The following PRKAG2 variants were observed in gnomAD, a reference collection of about 807,000 sequenced individuals.
The protein encoded by PRKAG2 is 5'-AMP-activated protein kinase subunit gamma-2.
PRKAG2 carries 26 observed loss-of-function variants against 69.6 expected under a neutral mutation model. The ratio of observed to expected loss-of-function variants is 0.37; its 90% CI spans 0.27 to 0.52. The LOEUF is 0.52. PRKAG2 is among the 20% of genes least tolerant of loss of function. The probability of loss-of-function intolerance (pLI) is 0.90; values close to 1 mark genes in which losing one functional copy is unlikely to be tolerated. For missense variants in PRKAG2, 557 were observed against 740.0 expected (o/e 0.75, Z 2.87); for synonymous variants, 293 against 285.0 (o/e 1.03, Z -0.28).
At chr7:151,727,850 C>A (rs1798253163) in intron 3 of PRKAG2, among the ~76,000 whole-genome samples, 1 of 152,166 alleles carries the variant, frequency 6.6e-6, no homozygotes, top group Admixed American at 6.5e-5. Context: ...TCTCTTCCAG[C>A]CAAAAGTGGG....
In PRKAG2 at chr7:151,583,001, C is replaced by T. The variant is rs1269529267; in HGVS notation, c.865-6549G>A. 3.3e-5 allele frequency among the ~76,000 whole-genome samples: 5 copies of T among 152,304 alleles called. No individual in the cohort carries two copies. In the East Asian group the frequency reaches 7.7e-4, roughly 24 times the overall value. ...AAATTTCCAGTCTATACTGACCAAA[C>T]CAGAAGCCAACAGAAATTTCTTCTT... On this transcript the variant is annotated intron_variant, in intron 6 of 15. Coordinates refer to ENST00000287878, the MANE Select transcript of PRKAG2 (RefSeq NM_016203.4). This position sits in a 1 kb window ranked among gnomAD's most constrained non-coding sequence, Gnocchi z 4.1.
rs139800799 is a variant in PRKAG2, at chr7:151,694,240, C to T, written c.467-18603G>A. Among the ~76,000 whole-genome samples the T allele has an allele frequency of 5.8e-4, 88 of 152,326 alleles. No homozygotes were observed. In the East Asian group the frequency reaches 0.014, roughly 23 times the overall value. ...TTACGGCAGCCTAAACAGACGAAGA[C>T]GCTGAGTTAGCTAATTTGTTGATCC... On this transcript the variant is annotated intron_variant, in intron 3 of 15. Coordinates refer to ENST00000287878, the MANE Select transcript of PRKAG2 (RefSeq NM_016203.4).
intron 5 of PRKAG2, among the ~76,000 whole-genome samples, chr7:151,605,199 T>C (rs1319351351): frequency 6.6e-6 from 1 of 151,566 alleles, no homozygotes; most frequent in Non-Finnish European, 1.5e-5. Flanking sequence ...GTATTTTTAG[T>C]AGAGACGGGG....
chr7:151,796,673 A>C (rs1055213298), intron 1 of PRKAG2, among the ~76,000 whole-genome samples: 8 of 152,000 alleles, frequency 5.3e-5, no homozygotes, highest in African/African-American at 1.9e-4. Flanking sequence ...CCCCTGAGTC[A>C]CCGGCTCCTC....
chr7:151,568,641 G>A (rs1173182319), intron 11 of PRKAG2, 75 bp downstream of exon 11: 3 of 1,528,544 alleles, frequency 2.0e-6, no homozygotes, highest in African/African-American at 1.4e-5. Context: ...AGGGTAACAG[G>A]AGCCAATTTA....
At chr7:151,565,210 A>T (rs994519288) in intron 13 of PRKAG2, 136 bp downstream of exon 13, 64 of 711,876 alleles carry the variant, frequency 9.0e-5, no homozygotes, top group Non-Finnish European at 1.2e-4. Context: ...AGGTCTATAA[A>T]ATTCTGATAA....
In PRKAG2 at chr7:151,781,757, T is replaced by C. The variant is rs191391996; in HGVS notation, c.187-326A>G. On this transcript the variant is annotated intron_variant, in intron 2 of 15. Coordinates refer to ENST00000287878, the MANE Select transcript of PRKAG2 (RefSeq NM_016203.4). The surrounding 1 kb of genome is among the most constrained non-coding windows in gnomAD (Gnocchi z 6.1). ...AAATGAGCGTCTCCCTCCTTTATTA[T>C]GGGCCTGCCTGCCTTCACCTCTCAA... is the stretch of plus-strand genomic sequence containing the variant. Among the ~76,000 whole-genome samples, 22 of 152,282 alleles carry C rather than the reference T, an allele frequency of 1.4e-4. No individual in the cohort carries two copies. In the East Asian group the frequency reaches 4.1e-3, roughly 28 times the overall value.
intron 1 of PRKAG2, among the ~76,000 whole-genome samples, chr7:151,860,416 C>T (rs1200047096): frequency 6.6e-6 from 1 of 152,206 alleles, no homozygotes; most frequent in African/African-American, 2.4e-5. Flanking sequence ...TCCCTGGCAT[C>T]CACGCCTGTA....
chr7:151,723,428 G>GA (rs1380661150), intron 3 of PRKAG2, among the ~76,000 whole-genome samples: 3 of 152,206 alleles, frequency 2.0e-5, no homozygotes, highest in African/African-American at 7.2e-5. Context: ...GATCGAGTTA[G>GA]AATGTAGTAG....
chr7:151,596,959 C>T (rs1290456207), intron 5 of PRKAG2, among the ~76,000 whole-genome samples: 4 of 151,908 alleles, frequency 2.6e-5, no homozygotes, highest in Non-Finnish European at 2.9e-5. Context: ...CACAAAGGAC[C>T]CCAAATAGCC....
intron 1 of PRKAG2, among the ~76,000 whole-genome samples, chr7:151,787,118 C>T (rs528163047): frequency 6.6e-6 from 1 of 152,232 alleles, no homozygotes; most frequent in Non-Finnish European, 1.5e-5. Context: ...ATCTTGCCTC[C>T]ACACCAGGCA....
In PRKAG2 at chr7:151,736,106, C is replaced by T. The variant is rs538780781; in HGVS notation, c.466+45046G>A. 8.1e-5 allele frequency: 122 copies of T among 1,500,312 alleles called. No homozygotes were observed. In the African/African-American group the frequency reaches 1.3e-3, roughly 16 times the overall value. 92.9% of individuals were successfully genotyped at this position (1,500,312 alleles called of 1,614,324 possible). ...GAGCATCAGCCCGACAGGCACAGGG[C>T]GCCCCAAAAGCTCAGAGTGGCAGCC... On this transcript the variant is annotated intron_variant, in intron 3 of 15. Transcript: ENST00000287878.
At chr7:151,736,185 C>T (rs1177800870) in intron 3 of PRKAG2, 14 of 1,419,526 alleles carry the variant, frequency 9.9e-6, no homozygotes, top group South Asian at 4.5e-5. Context: ...GTCTTCAGGG[C>T]GACCTCACCG....
At chr7:151,784,854 G>A (rs959726632) in intron 2 of PRKAG2, among the ~76,000 whole-genome samples, 10 of 152,200 alleles carry the variant, frequency 6.6e-5, no homozygotes, top group Non-Finnish European at 5.9e-5. Flanking sequence ...GAAAATGGCC[G>A]AAGCATGCTG....
At chr7:151,607,932 G>A (rs907308307) in intron 5 of PRKAG2, among the ~76,000 whole-genome samples, 12 of 152,238 alleles carry the variant, frequency 7.9e-5, no homozygotes, top group African/African-American at 2.9e-4. Context: ...TTGCAATAAG[G>A]GTCTCTGCAG....
intron 3 of PRKAG2, among the ~76,000 whole-genome samples, chr7:151,759,095 C>T (rs1446276169): frequency 6.6e-6 from 1 of 152,170 alleles, no homozygotes; most frequent in Non-Finnish European, 1.5e-5. Flanking sequence ...TCCTGCAAGG[C>T]CCCGCCCCAC....
intron 3 of PRKAG2, among the ~76,000 whole-genome samples, chr7:151,698,957 C>A (rs968907475): frequency 9.2e-5 from 14 of 152,176 alleles, no homozygotes; most frequent in Admixed American, 7.9e-4. Flanking sequence ...TAGGAAAACC[C>A]ACCTCTGCAA....
At chr7:151,744,894 CCTA>C (rs2074171759) in intron 3 of PRKAG2, among the ~76,000 whole-genome samples, 1 of 152,296 alleles carries the variant, frequency 6.6e-6, no homozygotes, top group African/African-American at 2.4e-5. Context: ...GCAGCAGTTT[CCTA>C]CATTCTTCTC....
At chr7:151,736,630 C>T (rs939632030) in intron 3 of PRKAG2, among the ~76,000 whole-genome samples, 3 of 152,156 alleles carry the variant, frequency 2.0e-5, no homozygotes, top group African/African-American at 4.8e-5. Flanking sequence ...CAGAAGGCTC[C>T]GGCTGCTGCC....
Sources: gnomAD v4.1 joint callset for allele counts (sites outside exome capture counted in the v4.1 genomes callset) on GRCh38, gnomAD v4.1.1 for gene constraint, Gnocchi (gnomAD v3.1) non-coding constraint, MANE v1.5 for transcripts, NCBI Gene and HGNC (gene_info 2026-07-23, HGNC 2026-07-21) for gene names.